Variants in FHOD3 observed in about 807,000 individuals in gnomAD.
The protein encoded by FHOD3 is FH1/FH2 domain-containing protein 3.
In FHOD3, 90 loss-of-function variants were observed where a neutral mutation model predicts 173.0. The ratio of observed to expected loss-of-function variants is 0.52; its 90% confidence interval spans 0.44 to 0.62. FHOD3 has a LOEUF of 0.62. Ranked by LOEUF, FHOD3 falls within the 20% of genes least tolerant of loss-of-function variation. FHOD3 has a pLI of 0.00. For missense variants in FHOD3, 1,945 were observed against 2,034.7 expected (o/e 0.96, Z 0.85); for synonymous variants, 828 against 823.0 (o/e 1.01, Z -0.10).
intron 1 of FHOD3, among the ~76,000 whole-genome samples, chr18:36,305,945 A>G (rs948180977): frequency 6.6e-6 from 1 of 152,204 alleles, no homozygotes; most frequent in Middle Eastern, 3.2e-3. Context: ...GAAAATGAGC[A>G]TGTGGTGACA....
Position 36,755,321 on chromosome 18 carries a change from A to G in FHOD3, c.4425+10A>G. 6.5e-7 allele frequency: 1 copy of G among 1,550,006 alleles called. No homozygotes were observed. The highest frequency in any genetic ancestry group is 2.4e-5 in the East Asian group (1 of 42,336). ...GAAGATGATCACCGATGTAAGTTTC[A>G]CACAATCCCTCTCCTTATGTCATTC... On this transcript the variant is annotated intron_variant, in intron 25 of 28. Coordinates refer to ENST00000590592, the MANE Select transcript of FHOD3 (RefSeq NM_001281740.3).
At chr18:36,647,727 T>A (rs1046893734) in intron 10 of FHOD3, among the ~76,000 whole-genome samples, 3 of 152,212 alleles carry the variant, frequency 2.0e-5, no homozygotes, top group Non-Finnish European at 4.4e-5. Context: ...GGTAAACTAC[T>A]GGAATACAGC....
chr18:36,436,549 G>A lies in FHOD3; in HGVS notation c.337+63805G>A, dbSNP rs1194847897. ...GAAATTCTACAGATTGCTATGTTAC[G>A]TCCCATGATTTAACTGCAGCGATTT... is the stretch of plus-strand genomic sequence containing the variant. On this transcript the variant is annotated intron_variant, in intron 3 of 28. Transcript: ENST00000590592. 8.5e-5 allele frequency among the ~76,000 whole-genome samples: 13 copies of A among 152,246 alleles called. No homozygotes were observed. In the South Asian group the frequency reaches 1.0e-3, roughly 12 times the overall value.
At chr18:36,446,236 A>G (rs1040517927) in intron 3 of FHOD3, among the ~76,000 whole-genome samples, 2 of 152,190 alleles carry the variant, frequency 1.3e-5, no homozygotes, top group Non-Finnish European at 2.9e-5. Context: ...AGCACTGGCA[A>G]TCTGGCCTTC....
intron 1 of FHOD3, among the ~76,000 whole-genome samples, chr18:36,328,410 C>A (rs912893700): frequency 2.0e-5 from 3 of 152,002 alleles, no homozygotes; most frequent in African/African-American, 4.8e-5. Context: ...GTGTGCCTAG[C>A]ATGTTTGAGA....
At chr18:36,309,157 A>T (rs537230719) in intron 1 of FHOD3, among the ~76,000 whole-genome samples, 2 of 152,006 alleles carry the variant, frequency 1.3e-5, no homozygotes, top group Admixed American at 6.5e-5. Context: ...ACCAGGCCAG[A>T]CTTAAGGCCT....
intron 9 of FHOD3, among the ~76,000 whole-genome samples, chr18:36,616,497 C>T (rs769535868): frequency 6.6e-6 from 1 of 152,212 alleles, no homozygotes; most frequent in Non-Finnish European, 1.5e-5. Context: ...CCCTTCATGC[C>T]AGACTTTGAA....
intron 14 of FHOD3, among the ~76,000 whole-genome samples, chr18:36,662,026 GTTTTCTT>G (rs2036845174): frequency 6.6e-6 from 1 of 152,200 alleles, no homozygotes; most frequent in Non-Finnish European, 1.5e-5. Context: ...ATTTCTAAAT[GTTTTCTT>G]TGTGAAAGAA....
chr18:36,676,506 A>G (rs905709892), intron 14 of FHOD3, among the ~76,000 whole-genome samples: 21 of 152,228 alleles, frequency 1.4e-4, no homozygotes, highest in African/African-American at 4.8e-4. Flanking sequence ...ATACATGTCT[A>G]TCTTCTTTAT....
At chr18:36,645,288 C>T (rs1463442810) in intron 10 of FHOD3, among the ~76,000 whole-genome samples, 1 of 152,118 alleles carries the variant, frequency 6.6e-6, no homozygotes, top group African/African-American at 2.4e-5. Flanking sequence ...TCCATGGTGG[C>T]ATATGCCTGT....
intron 9 of FHOD3, among the ~76,000 whole-genome samples, chr18:36,613,173 C>T (rs76886776): frequency 0.012 from 1,754 of 152,338 alleles, 29 homozygotes; most frequent in African/African-American, 0.04. Flanking sequence ...ACTTCCAGTC[C>T]CGCAGAACTC....
At chr18:36,370,667 C>G (rs1450436431) in intron 2 of FHOD3, among the ~76,000 whole-genome samples, 4 of 152,172 alleles carry the variant, frequency 2.6e-5, no homozygotes, top group Non-Finnish European at 5.9e-5. Flanking sequence ...TGCTTTTTCT[C>G]TCTCTGGGCA....
At position 36,301,422 on chromosome 18, in the gene FHOD3, A is replaced by C. The variant is rs931126162; in HGVS notation, c.165+3422A>C. Among the ~76,000 whole-genome samples the C allele has an allele frequency of 3.9e-5, 6 of 152,240 alleles. No homozygotes were observed. The East Asian group carries it at 1.2e-3, about 29-fold the overall frequency. On this transcript the variant is annotated intron_variant, in intron 1 of 28. Coordinates refer to ENST00000590592, the MANE Select transcript of FHOD3 (RefSeq NM_001281740.3). Reference sequence around the variant, plus strand: ...CATTTTTTATTTCTTAAACTGATACATTATTTTAAAAAACTTCATCTGCTT... The same window carrying C: ...CATTTTTTATTTCTTAAACTGATACCTTATTTTAAAAAACTTCATCTGCTT...
chr18:36,432,316 A>G (rs951858987), intron 3 of FHOD3, among the ~76,000 whole-genome samples: 2 of 152,044 alleles, frequency 1.3e-5, no homozygotes, highest in African/African-American at 4.8e-5. Flanking sequence ...TTAAAAAAAA[A>G]TTTAAATAGG....
At chr18:36,306,983 A>G (rs1269727608) in intron 1 of FHOD3, among the ~76,000 whole-genome samples, 1 of 151,970 alleles carries the variant, frequency 6.6e-6, no homozygotes, top group Non-Finnish European at 1.5e-5. Context: ...TATTTTTCTG[A>G]GACGGAGTCT....
chr18:36,430,118 A>G (rs1224441761), intron 3 of FHOD3, among the ~76,000 whole-genome samples: 1 of 152,232 alleles, frequency 6.6e-6, no homozygotes, highest in Non-Finnish European at 1.5e-5. Context: ...GAACAAAGAT[A>G]TAGGACTATG....
At chr18:36,307,962 A>C (rs1212288576) in intron 1 of FHOD3, among the ~76,000 whole-genome samples, 1 of 152,352 alleles carries the variant, frequency 6.6e-6, no homozygotes. Flanking sequence ...GTCATTAAAT[A>C]TTCTTGGAGC....
intron 7 of FHOD3, among the ~76,000 whole-genome samples, chr18:36,599,093 T>C (rs1162867317): frequency 6.6e-6 from 1 of 152,208 alleles, no homozygotes; most frequent in African/African-American, 2.4e-5. Flanking sequence ...CATTTTGCCA[T>C]ATTGGAGACT....
intron 1 of FHOD3, among the ~76,000 whole-genome samples, chr18:36,311,711 T>G (rs1459546445): frequency 6.6e-6 from 1 of 152,088 alleles, no homozygotes; most frequent in African/African-American, 2.4e-5. Flanking sequence ...CCAACGTGGA[T>G]CCTCACCTTT....
Sources: gnomAD v4.1 joint callset for allele counts (sites outside exome capture counted in the v4.1 genomes callset) on GRCh38, gnomAD v4.1.1 for gene constraint, MANE v1.5 for transcripts, NCBI Gene and HGNC (gene_info 2026-07-23, HGNC 2026-07-21) for gene names.